Variants in ERI1 observed in about 807,000 individuals in gnomAD.
The protein encoded by ERI1 is exoribonuclease 1, also known as 3'-5' exoribonuclease 1.
A neutral mutation model predicts 39.7 loss-of-function variants in ERI1; 39 were observed. That is an observed-to-expected ratio of 0.98 (90% confidence interval 0.76 to 1.28). The LOEUF is 1.28. Among genes scored for constraint, ERI1 ranks in the 50% most tolerant of loss-of-function variants. The probability of loss-of-function intolerance (pLI) is 0.00; values close to 1 mark genes in which losing one functional copy is unlikely to be tolerated. For missense variants in ERI1, 581 were observed against 416.9 expected (o/e 1.39, Z -3.43); for synonymous variants, 204 against 149.6 (o/e 1.36, Z -2.65).
intron 1 of ERI1, 115 bp from the exon 2 acceptor site, chr8:9,007,855 A>G: frequency 1.4e-6 from 2 of 1,424,648 alleles, no homozygotes; most frequent in Non-Finnish European, 1.9e-6. Context: ...TTCATTGAAC[A>G]TGTAGCATGA....
At position 9,020,330 on chromosome 8, in the gene ERI1, TG is replaced by T; in HGVS notation, c.693-19del. 7.2e-7 allele frequency: 1 copy of T among 1,392,976 alleles called. No individual in the cohort carries two copies. The highest frequency in any genetic ancestry group is 1.4e-5 in the South Asian group (1 of 72,838). The allele number at this position is 1,392,976 out of a possible 1,614,324, so 86.3% of individuals were successfully genotyped here. A position where few individuals can be genotyped will look rare whatever the true frequency, so the allele number is the denominator to read the frequency against. ...CATAGCGTTTATTTCATCAATTTTT[TG>T]TCCTTTTTTAATTTATAGTTCTTGG... On this transcript the variant is annotated intron_variant, in intron 5 of 6. Transcript: ENST00000250263.
At position 9,060,783 on chromosome 8, in the gene ERI1, C is replaced by G. The variant is rs148225252; in HGVS notation, n.299+40319C>G. On this transcript the variant is annotated intron_variant and non_coding_transcript_variant, in intron 3 of 3. Coordinates refer to the ERI1 transcript ENST00000518663. The stretch of plus-strand genomic sequence containing the variant: ...AGAAGTTGGAAAGCTAGCTGCTTGT[C>G]TAGCCACCTTATCAGCATAAGCATT... Among the ~76,000 whole-genome samples the G allele has an allele frequency of 6.1e-3, 922 of 152,326 alleles. 3 individuals are homozygous for G. Among genetic ancestry groups the G allele is most frequent in the Middle Eastern group, 0.01 (3 of 294 alleles).
At chr8:9,096,565 G>A (rs989622855) in intron 3 of ERI1, among the ~76,000 whole-genome samples, 4 of 152,042 alleles carry the variant, frequency 2.6e-5, no homozygotes, top group Non-Finnish European at 4.4e-5. Flanking sequence ...AGGGAGGAGC[G>A]GTGGCTTGGG....
At chr8:9,003,688 T>G (rs1815627995) in intron 1 of ERI1, among the ~76,000 whole-genome samples, 1 of 150,014 alleles carries the variant, frequency 6.7e-6, no homozygotes, top group African/African-American at 2.5e-5. Flanking sequence ...AGTATAAGAT[T>G]GAATGAATCA....
intron 6 of ERI1, among the ~76,000 whole-genome samples, chr8:9,021,731 C>G (rs535872996): frequency 6.9e-6 from 1 of 144,644 alleles, no homozygotes; most frequent in Non-Finnish European, 1.5e-5. Flanking sequence ...GCTTTGAGCA[C>G]GATATAATTA....
intron 3 of ERI1, among the ~76,000 whole-genome samples, chr8:9,073,609 G>T (rs886789076): frequency 1.2e-4 from 18 of 152,208 alleles, no homozygotes; most frequent in African/African-American, 3.9e-4. Context: ...TGCTGAATCA[G>T]TGTGCAGGAG....
intron 3 of ERI1, among the ~76,000 whole-genome samples, chr8:9,056,447 C>A (rs779049081): frequency 1.3e-5 from 2 of 152,182 alleles, no homozygotes; most frequent in African/African-American, 2.4e-5. Flanking sequence ...TTTGCTTAAC[C>A]ATGTTCTTAT....
intron 3 of ERI1, among the ~76,000 whole-genome samples, chr8:9,086,892 C>G (rs963687039): frequency 3.3e-5 from 5 of 152,170 alleles, no homozygotes; most frequent in Admixed American, 6.5e-5. Context: ...TATGTATACC[C>G]ATTTATATGC....
chr8:9,027,192 A>C (rs1032675174), intron 6 of ERI1, among the ~76,000 whole-genome samples: 120 of 141,412 alleles, frequency 8.5e-4, no homozygotes, highest in African/African-American at 2.7e-3. Context: ...TGGCCATTCT[A>C]ATGGGTGTGA....
intron 3 of ERI1, among the ~76,000 whole-genome samples, chr8:9,040,782 C>A (rs1242745684): frequency 1.3e-5 from 2 of 151,680 alleles, no homozygotes; most frequent in Non-Finnish European, 2.9e-5. Context: ...TTTAGGACTT[C>A]CTTAGCGCTG....
chr8:9,007,938 T>A, intron 1 of ERI1, 32 bp from the exon 2 acceptor site: 1 of 38,418 alleles, frequency 2.6e-5, no homozygotes, highest in Non-Finnish European at 3.9e-5. Flanking sequence ...CTACATCCTT[T>A]TTTTTTTTTT....
chr8:9,046,890 G>C (rs1315796147), intron 3 of ERI1, among the ~76,000 whole-genome samples: 1 of 152,216 alleles, frequency 6.6e-6, no homozygotes, highest in Non-Finnish European at 1.5e-5. Flanking sequence ...GCTCCAGGCA[G>C]AGCCAATTTC....
At chr8:9,061,799 C>T (rs2979255) in intron 3 of ERI1, among the ~76,000 whole-genome samples, 66,404 of 141,918 alleles carry the variant, frequency 0.47, 18,111 homozygotes, top group Admixed American at 0.6. Context: ...GGGTGCTGTC[C>T]GTGAAGTTTT....
chr8:9,068,800 G>GTTTTTAAAT (rs1230113735), intron 3 of ERI1, among the ~76,000 whole-genome samples: 1 of 152,100 alleles, frequency 6.6e-6, no homozygotes, highest in Non-Finnish European at 1.5e-5. Context: ...GATTGGCACT[G>GTTTTTAAAT]TTTTTAAATT....
At chr8:9,005,553 T>C (rs570945692) in intron 1 of ERI1, among the ~76,000 whole-genome samples, 23 of 151,266 alleles carry the variant, frequency 1.5e-4, no homozygotes, top group Non-Finnish European at 2.5e-4. Flanking sequence ...CTCTCTCTGT[T>C]GCCCAGGCTG....
chr8:9,051,335 C>CA (rs576570309), intron 3 of ERI1, among the ~76,000 whole-genome samples: 25 of 151,942 alleles, frequency 1.6e-4, no homozygotes, highest in Non-Finnish European at 3.2e-4. Context: ...AAACTGCTAA[C>CA]ATGCTCAAAT....
intron 3 of ERI1, among the ~76,000 whole-genome samples, chr8:9,056,162 A>T (rs948741316): frequency 2.6e-5 from 4 of 152,198 alleles, no homozygotes; most frequent in African/African-American, 9.7e-5. Flanking sequence ...TGGAAATGGA[A>T]AGGTTTCTGG....
downstream of ERI1, among the ~76,000 whole-genome samples, chr8:9,034,116 A>T (rs558839353): frequency 6.6e-6 from 1 of 152,354 alleles, no homozygotes; most frequent in Non-Finnish European, 1.5e-5. Flanking sequence ...AAAGGGCTTA[A>T]GTTTGACTGA....
At chr8:9,087,765 C>G (rs1319189620) in intron 3 of ERI1, among the ~76,000 whole-genome samples, 1 of 152,144 alleles carries the variant, frequency 6.6e-6, no homozygotes, top group East Asian at 1.9e-4. Flanking sequence ...GCATCAGGCC[C>G]CACAAGGGTT....
Sources: gnomAD v4.1 joint callset for allele counts (sites outside exome capture counted in the v4.1 genomes callset) on GRCh38, gnomAD v4.1.1 for gene constraint, MANE v1.5 for transcripts, NCBI Gene and HGNC (gene_info 2026-07-23, HGNC 2026-07-21) for gene names.